Variants in FOXN4 observed in about 807,000 individuals in gnomAD.
The protein encoded by FOXN4 is forkhead box protein N4.
In FOXN4, 12 loss-of-function variants were observed where a neutral mutation model predicts 45.0. The ratio of observed to expected loss-of-function variants is 0.27; its 90% confidence interval spans 0.17 to 0.43. The LOEUF is 0.43. Ranked by LOEUF, FOXN4 falls within the 20% of genes least tolerant of loss-of-function variation. FOXN4 has a pLI of 1.00. For missense variants in FOXN4, 560 were observed against 694.9 expected (o/e 0.81, Z 2.18); for synonymous variants, 297 against 295.0 (o/e 1.01, Z -0.07).
In FOXN4 at chr12:109,287,281, C is replaced by T. The variant is rs973251020; in HGVS notation, c.596+116G>A. The stretch of plus-strand genomic sequence containing the variant: ...CCTGGGGGTTCCCCACTCCCCAAAA[C>T]CTCCCCCTTGGAAGTCTGGGCTGCC... On this transcript the variant is annotated intron_variant, in intron 6 of 9. Coordinates refer to ENST00000299162, the MANE Select transcript of FOXN4 (RefSeq NM_213596.3). The surrounding 1 kb of genome is among the most constrained non-coding windows in gnomAD (Gnocchi z 4.1). The T allele has an allele frequency of 2.2e-6, 3 of 1,391,540 alleles. No homozygotes were observed. Among genetic ancestry groups the T allele is most frequent in the Admixed American group, 2.4e-5 (1 of 41,440 alleles). 86.2% of individuals were successfully genotyped at this position (1,391,540 alleles called of 1,614,324 possible).
rs1227813411 is a variant in FOXN4, at chr12:109,290,785, T to C, written c.87-499A>G. 6.6e-6 allele frequency among the ~76,000 whole-genome samples: 1 copy of C among 152,174 alleles called. No homozygotes were observed. Among genetic ancestry groups the C allele is most frequent in the African/African-American group, 2.4e-5 (1 of 41,452 alleles). On this transcript the variant is annotated intron_variant, in intron 2 of 9. Transcript: ENST00000299162. The surrounding 1 kb of genome is among the most constrained non-coding windows in gnomAD (Gnocchi z 5.1). ...CCATGTCCAGGGCAGTTTCCTGCTG[T>C]ACTGTAGCTGTGAGGAACATGGAAC... is the stretch of plus-strand genomic sequence containing the variant.
At chr12:109,286,550 G>C in intron 7 of FOXN4, 98 bp downstream of exon 7, 1 of 1,181,174 alleles carries the variant, frequency 8.5e-7, no homozygotes. Context: ...ACATAACTGG[G>C]AACCAAAGAG....
At position 109,286,749 on chromosome 12, in the gene FOXN4, G is replaced by A; in HGVS notation, c.597-5C>T. On this transcript the variant is annotated splice_region_variant and splice_polypyrimidine_tract_variant and intron_variant, in intron 6 of 9. Transcript: ENST00000299162. Reference sequence around the variant, plus strand: ...AGGGCCATGGCGATCAGACAGCTGGGGGCAGGAGGTGGGGCAGGGCAGGGC... The same window carrying A: ...AGGGCCATGGCGATCAGACAGCTGGAGGCAGGAGGTGGGGCAGGGCAGGGC... The A allele has an allele frequency of 6.2e-7, 1 of 1,603,150 alleles. No individual in the cohort carries two copies. Among genetic ancestry groups the A allele is most frequent in the Middle Eastern group, 1.7e-4 (1 of 6,032 alleles).
At chr12:109,284,798 C>T (rs1194171315) in intron 8 of FOXN4, among the ~76,000 whole-genome samples, 2 of 142,596 alleles carry the variant, frequency 1.4e-5, no homozygotes, top group South Asian at 2.3e-4. Context: ...TGCGCACATG[C>T]TGTGGGCTAT....
chr12:109,298,341 T>G (rs1247854267), intron 2 of FOXN4, among the ~76,000 whole-genome samples: 1 of 108,200 alleles, frequency 9.2e-6, no homozygotes, highest in Non-Finnish European at 1.8e-5. Flanking sequence ...GTTTTTTTTT[T>G]TTGTTTTTTT....
rs1401419642 is a variant in FOXN4, at chr12:109,287,491, C to T, written c.502G>A (p.Gly168Arg). 3.2e-6 allele frequency: 5 copies of T among 1,547,956 alleles called. No homozygotes were observed. The highest frequency in any genetic ancestry group is 4.4e-6 in the Non-Finnish European group (5 of 1,145,482). Residue 168 changes from glycine to arginine, a missense_variant, in exon 6 of 10, where the codon GGG becomes AGG. By Grantham distance (125) the Gly-to-Arg change is moderately radical. This residue lies in a region of FOXN4 where 61 missense variants were observed against 59.8 expected (regional missense o/e 1.02). Coordinates refer to ENST00000299162, the MANE Select transcript of FOXN4 (RefSeq NM_213596.3). The surrounding 1 kb of genome is among the most constrained non-coding windows in gnomAD (Gnocchi z 4.1). ...GGCTGGGGGTAGGGGGGCCGCACCCCAAATGGGGGGCCATAGAGGCCCACA... is the reference window on the plus strand; with the variant it reads ...GGCTGGGGGTAGGGGGGCCGCACCCTAAATGGGGGGCCATAGAGGCCCACA... Reference protein sequence around the residue: ...PPVGLYGPPFGVRPPYPQPHV... With the variant: ...PPVGLYGPPFRVRPPYPQPHV...
intron 2 of FOXN4, among the ~76,000 whole-genome samples, chr12:109,295,807 C>T (rs1001389876): frequency 1.3e-5 from 2 of 152,094 alleles, no homozygotes; most frequent in Non-Finnish European, 2.9e-5. Flanking sequence ...GAAGACCCAA[C>T]TCCTTCCACC....
chr12:109,285,437 G>A lies in FOXN4; in HGVS notation c.768C>T (p.Asn256=), dbSNP rs2136918715. The change falls in exon 8 of 10, where the codon AAC becomes AAT. Residue 256 remains asparagine (N), a synonymous_variant. Coordinates refer to ENST00000299162, the MANE Select transcript of FOXN4 (RefSeq NM_213596.3). The part of the protein sequence containing the change: ...SLNKCFEKVE[N]KMSGSSRKGC... ...CCTTGCGGGAGGAGCCGCTCATCTT[G>A]TTCTCCACCTTCTCGAAGCACTTGT... 1 of 1,614,036 alleles carries A rather than the reference G, an allele frequency of 6.2e-7. No homozygotes were observed.
intron 2 of FOXN4, among the ~76,000 whole-genome samples, chr12:109,298,887 T>C (rs1468593405): frequency 6.6e-6 from 1 of 152,188 alleles, no homozygotes; most frequent in African/African-American, 2.4e-5. Flanking sequence ...GTGACTTATC[T>C]GCCCTGGGCC....
chr12:109,294,642 C>T (rs568636849), intron 2 of FOXN4, among the ~76,000 whole-genome samples: 9 of 152,132 alleles, frequency 5.9e-5, no homozygotes, highest in East Asian at 5.8e-4. Flanking sequence ...CCACTGGCTC[C>T]GAAGGCTGGC....
intron 2 of FOXN4, among the ~76,000 whole-genome samples, chr12:109,308,034 A>C (rs2047937061): frequency 1.3e-5 from 2 of 152,144 alleles, no homozygotes; most frequent in African/African-American, 2.4e-5. Flanking sequence ...GACAGCAGGC[A>C]TTTCGTGGTC....
intron 8 of FOXN4, 150 bp downstream of exon 8, chr12:109,285,154 G>T: frequency 1.0e-6 from 1 of 955,032 alleles, no homozygotes; most frequent in Non-Finnish European, 1.6e-6. Flanking sequence ...TTGTGTGTGT[G>T]CGCATATTTG....
intron 8 of FOXN4, among the ~76,000 whole-genome samples, chr12:109,283,832 C>A (rs1191806978): frequency 2.6e-5 from 4 of 152,252 alleles, no homozygotes; most frequent in African/African-American, 9.6e-5. Flanking sequence ...CTAATACTTG[C>A]ATGGTATGCC....
Position 109,278,926 on chromosome 12 carries a change from A to G in FOXN4, c.*745T>C, listed in dbSNP as rs1319673866. 6.6e-6 allele frequency: 1 copy of G among 152,270 alleles called. No individual in the cohort carries two copies. The highest frequency in any genetic ancestry group is 1.5e-5 in the Non-Finnish European group (1 of 68,106). The allele number at this position is 152,270 out of a possible 1,614,324, so 9.4% of individuals were successfully genotyped here. On this transcript the variant is annotated 3_prime_UTR_variant, in exon 10 of 10. Coordinates refer to ENST00000299162, the MANE Select transcript of FOXN4 (RefSeq NM_213596.3). ...GTAGGAGTTAGGATGGCTGGGAGGT[A>G]GGGAGGGAGAAGGAGTCCCATTCCA...
At chr12:109,305,548 T>A (rs1335322780) in intron 2 of FOXN4, among the ~76,000 whole-genome samples, 1 of 152,002 alleles carries the variant, frequency 6.6e-6, no homozygotes, top group Non-Finnish European at 1.5e-5. Flanking sequence ...CTGACCAACA[T>A]GGCAAAACTC....
chr12:109,308,019 C>T (rs2047936958), intron 2 of FOXN4, among the ~76,000 whole-genome samples: 2 of 152,068 alleles, frequency 1.3e-5, no homozygotes, highest in Non-Finnish European at 2.9e-5. Flanking sequence ...TTGGAGGGGA[C>T]AAGAGACAGC....
chr12:109,281,925 C>T (rs1187197580), intron 8 of FOXN4, 126 bp from the exon 9 acceptor site: 2 of 1,056,674 alleles, frequency 1.9e-6, no homozygotes, highest in Non-Finnish European at 2.6e-6. Flanking sequence ...ACACTCAGAA[C>T]CTCTGTCTCC....
rs1256528665 is a variant in FOXN4 at position 109,287,070 on chromosome 12, G to A, written c.597-326C>T. 1.3e-5 allele frequency among the ~76,000 whole-genome samples: 2 copies of A among 152,012 alleles called. No homozygotes were observed. Among genetic ancestry groups the A allele is most frequent in the Non-Finnish European group, 2.9e-5 (2 of 68,016 alleles). On this transcript the variant is annotated intron_variant, in intron 6 of 9. Transcript: ENST00000299162. The surrounding 1 kb of genome is among the most constrained non-coding windows in gnomAD (Gnocchi z 4.1). ...TGTTTCCCCCTCCCCAAACTCCCACGAGGTATACAATACTATTATTTTGAT... is the reference window on the plus strand; with the variant it reads ...TGTTTCCCCCTCCCCAAACTCCCACAAGGTATACAATACTATTATTTTGAT...
At chr12:109,305,096 A>G (rs1045200192) in intron 2 of FOXN4, among the ~76,000 whole-genome samples, 8 of 152,168 alleles carry the variant, frequency 5.3e-5, no homozygotes, top group African/African-American at 1.9e-4. Flanking sequence ...GGCCAGTGGG[A>G]CTTGGGGCCA....
Sources: allele counts gnomAD v4.1 joint callset (sites outside exome capture counted in the v4.1 genomes callset), GRCh38; gene constraint gnomAD v4.1.1; regional missense constraint gnomAD v4.1.1; non-coding constraint Gnocchi (gnomAD v3.1); transcripts MANE v1.5; gene names NCBI Gene and HGNC (gene_info 2026-07-23, HGNC 2026-07-21).